AGAP1: variants seen among roughly 807,000 people sequenced by gnomAD.
AGAP1 encodes arf-GAP with GTPase, ANK repeat and PH domain-containing protein 1.
Under a neutral mutation model 105.3 loss-of-function variants are expected in AGAP1, and 29 were observed. That is an observed-to-expected ratio of 0.28 (90% CI 0.21 to 0.38). AGAP1 has a LOEUF of 0.38. AGAP1 is among the 10% of genes least tolerant of loss of function. AGAP1 has a pLI of 1.00. For missense variants in AGAP1, 998 were observed against 1,165.1 expected (o/e 0.86, Z 2.09); for synonymous variants, 509 against 485.9 (o/e 1.05, Z -0.63).
Position 235,732,688 on chromosome 2 carries a change from C to CT in AGAP1, c.311-8273dup, listed in dbSNP as rs1158932898. On this transcript the variant is annotated intron_variant, in intron 3 of 17. Coordinates refer to ENST00000304032, the MANE Select transcript of AGAP1 (RefSeq NM_001037131.3). This position sits in a 1 kb window ranked among gnomAD's most constrained non-coding sequence, Gnocchi z 4.8. ...TTCAGCCTTCTTGGCTTGGACCTCT[C>CT]TTCCCAGACATTGTCTTTCCCTGAG... Among the ~76,000 whole-genome samples, 6 of 152,164 alleles carry CT rather than the reference C, an allele frequency of 3.9e-5. No homozygotes were observed. Among genetic ancestry groups the CT allele is most frequent in the African/African-American group, 1.4e-4 (6 of 41,444 alleles).
Position 235,655,089 on chromosome 2 carries a change from T to C in AGAP1, c.164-54090T>C, listed in dbSNP as rs1357136470. On this transcript the variant is annotated intron_variant, in intron 1 of 17. Transcript: ENST00000304032. The surrounding 1 kb of genome is among the most constrained non-coding windows in gnomAD (Gnocchi z 4.3). ...TGATCCTCTTTTTTTTTTTTTTGAG[T>C]TGTGTGTTAACAGAAACCTTTGTGC... is the stretch of plus-strand genomic sequence containing the variant. 6.6e-6 allele frequency among the ~76,000 whole-genome samples: 1 copy of C among 151,542 alleles called. No homozygotes were observed. Among genetic ancestry groups the C allele is most frequent in the Non-Finnish European group, 1.5e-5 (1 of 67,914 alleles).
chr2:235,785,784 T>C (rs986215396), intron 6 of AGAP1, among the ~76,000 whole-genome samples: 2 of 152,252 alleles, frequency 1.3e-5, no homozygotes, highest in Non-Finnish European at 2.9e-5. Context: ...TTCTGTATTC[T>C]GTCTTCATAG....
intron 1 of AGAP1, among the ~76,000 whole-genome samples, chr2:235,707,550 C>T (rs891304435): frequency 1.2e-4 from 17 of 140,686 alleles, no homozygotes; most frequent in Non-Finnish European, 2.2e-4. Flanking sequence ...GCTCCCCCGG[C>T]GTGTGACCTG....
In AGAP1 at chr2:235,989,708, G is replaced by T. The variant is rs935568217; in HGVS notation, c.1645+21085G>T. ...AGTCATGAATCAAGGAGCCCAGGAG[G>T]ACGGGGAATCCCTGGAGGAGGTGGG... On this transcript the variant is annotated intron_variant, in intron 13 of 17. Coordinates refer to ENST00000304032, the MANE Select transcript of AGAP1 (RefSeq NM_001037131.3). This position sits in a 1 kb window ranked among gnomAD's most constrained non-coding sequence, Gnocchi z 4.4. 6.6e-6 allele frequency among the ~76,000 whole-genome samples: 1 copy of T among 152,190 alleles called. No homozygotes were observed. Among genetic ancestry groups the T allele is most frequent in the East Asian group, 1.9e-4 (1 of 5,186 alleles).
At position 235,557,331 on chromosome 2, in the gene AGAP1, C is replaced by T. The variant is rs1028385260; in HGVS notation, c.163+62482C>T. Among the ~76,000 whole-genome samples the T allele has an allele frequency of 2.6e-5, 4 of 151,958 alleles. No homozygotes were observed. Among genetic ancestry groups the T allele is most frequent in the African/African-American group, 9.7e-5 (4 of 41,360 alleles). On this transcript the variant is annotated intron_variant, in intron 1 of 17. Transcript: ENST00000304032. This position sits in a 1 kb window ranked among gnomAD's most constrained non-coding sequence, Gnocchi z 4.7. Reference sequence around the variant, plus strand: ...GTTCACCTTGGAAGCTGTTGCTCACCGCGTGTTGATTTTATTTAAGACTGG... The same window carrying T: ...GTTCACCTTGGAAGCTGTTGCTCACTGCGTGTTGATTTTATTTAAGACTGG...
chr2:235,923,023 G>A (rs149077850), intron 11 of AGAP1, among the ~76,000 whole-genome samples: 4 of 152,316 alleles, frequency 2.6e-5, no homozygotes, highest in African/African-American at 9.6e-5. Flanking sequence ...GTGGCGCAGC[G>A]AGGACATGGA....
At chr2:235,512,095 G>GAGTA (rs1553555066) in intron 1 of AGAP1, among the ~76,000 whole-genome samples, 2 of 143,538 alleles carry the variant, frequency 1.4e-5, no homozygotes, top group African/African-American at 2.6e-5. Flanking sequence ...GTGAATGTGT[G>GAGTA]TGTGTGTGAA....
Position 235,691,466 on chromosome 2 carries a change from C to T in AGAP1, c.164-17713C>T, listed in dbSNP as rs1351205476. On this transcript the variant is annotated intron_variant, in intron 1 of 17. Coordinates refer to ENST00000304032, the MANE Select transcript of AGAP1 (RefSeq NM_001037131.3). The surrounding 1 kb of genome is among the most constrained non-coding windows in gnomAD (Gnocchi z 4.4). ...AAATCCGCTGAAGACTGTAAAGATA[C>T]TCATTTGAGATGTGCCAACATTTAG... Among the ~76,000 whole-genome samples, 2 of 152,228 alleles carry T rather than the reference C, an allele frequency of 1.3e-5. No individual in the cohort carries two copies. Among genetic ancestry groups the T allele is most frequent in the South Asian group, 2.1e-4 (1 of 4,834 alleles).
In AGAP1 at chr2:235,983,880, A is replaced by G. The variant is rs374546376; in HGVS notation, c.1645+15257A>G. On this transcript the variant is annotated intron_variant, in intron 13 of 17. Transcript: ENST00000304032. The surrounding 1 kb of genome is among the most constrained non-coding windows in gnomAD (Gnocchi z 4.5). ...CACATTTCTCAGAATGCATCACTTA[A>G]CGATGGGGATACATGGCTGTATGTA... Among the ~76,000 whole-genome samples, 4 of 152,360 alleles carry G rather than the reference A, an allele frequency of 2.6e-5. No individual in the cohort carries two copies. In the South Asian group the frequency reaches 8.3e-4, roughly 32 times the overall value.
At chr2:235,786,346 T>C (rs1422656415) in intron 6 of AGAP1, among the ~76,000 whole-genome samples, 2 of 152,242 alleles carry the variant, frequency 1.3e-5, no homozygotes, top group African/African-American at 2.4e-5. Flanking sequence ...TCAACTCTTG[T>C]GTTAACCTGT....
chr2:235,755,462 C>T (rs1051263477), intron 6 of AGAP1, among the ~76,000 whole-genome samples: 3 of 151,950 alleles, frequency 2.0e-5, no homozygotes, highest in Non-Finnish European at 2.9e-5. Flanking sequence ...TCCCTTTTTT[C>T]GAGGCAGGGT....
chr2:236,065,226 A>AT, intron 16 of AGAP1, among the ~76,000 whole-genome samples: 1 of 152,294 alleles, frequency 6.6e-6, no homozygotes, highest in Middle Eastern at 3.4e-3. Context: ...TGGTTTTGAA[A>AT]TTGCCAAGCC....
In AGAP1 at chr2:235,864,744, T is replaced by G. The variant is rs2049079806; in HGVS notation, c.1051-18601T>G. On this transcript the variant is annotated intron_variant, in intron 9 of 17. Coordinates refer to ENST00000304032, the MANE Select transcript of AGAP1 (RefSeq NM_001037131.3). This position sits in a 1 kb window ranked among gnomAD's most constrained non-coding sequence, Gnocchi z 5.0. ...GTCCTGGTGGGAAAAAAAAACATTT[T>G]GTTTTTCTTAGTTTCCTTTTCCTTT... Among the ~76,000 whole-genome samples the G allele has an allele frequency of 6.6e-6, 1 of 152,230 alleles. No homozygotes were observed.
At chr2:236,122,680 ATTT>A (rs71039713) in intron 17 of AGAP1, among the ~76,000 whole-genome samples, 5 of 123,594 alleles carry the variant, frequency 4.0e-5, no homozygotes, top group Non-Finnish European at 6.5e-5. Flanking sequence ...TCCAGTGACA[ATTT>A]TTTTTTTTTT....
Position 235,824,661 on chromosome 2 carries a change from G to A in AGAP1, c.1050+17330G>A, listed in dbSNP as rs557618555. Among the ~76,000 whole-genome samples the A allele has an allele frequency of 2.0e-5, 3 of 152,146 alleles. No homozygotes were observed. The South Asian group carries it at 6.2e-4, about 32-fold the overall frequency. On this transcript the variant is annotated intron_variant, in intron 9 of 17. Coordinates refer to ENST00000304032, the MANE Select transcript of AGAP1 (RefSeq NM_001037131.3). This position sits in a 1 kb window ranked among gnomAD's most constrained non-coding sequence, Gnocchi z 5.2. ...CATGCTCCTTTTCCCCCTTTTTGTT[G>A]TTGCATTCAGTTAACAGTGACTATT...
At chr2:236,006,601 T>C (rs1377377) in intron 13 of AGAP1, among the ~76,000 whole-genome samples, 31,770 of 152,182 alleles carry the variant, frequency 0.21, 3,570 homozygotes, top group South Asian at 0.29. Context: ...ATGTTAATAC[T>C]ACCTCCATGA....
At chr2:235,530,282 A>C (rs1396335750) in intron 1 of AGAP1, among the ~76,000 whole-genome samples, 2 of 152,116 alleles carry the variant, frequency 1.3e-5, no homozygotes, top group East Asian at 3.9e-4. Flanking sequence ...TCGACTTGCC[A>C]TATGCCTAAT....
chr2:236,006,855 C>G (rs72991139), intron 13 of AGAP1, among the ~76,000 whole-genome samples: 18,401 of 152,164 alleles, frequency 0.12, 1,486 homozygotes, highest in African/African-American at 0.23. Flanking sequence ...TGTTAGTCTT[C>G]CAGTGAGTTC....
chr2:236,100,583 G>A (rs924876535), intron 16 of AGAP1, among the ~76,000 whole-genome samples: 7 of 152,126 alleles, frequency 4.6e-5, no homozygotes, highest in African/African-American at 1.7e-4. Flanking sequence ...CCAGCACTTT[G>A]GGTGGCCGAG....
Sources: gnomAD v4.1 joint callset for allele counts (sites outside exome capture counted in the v4.1 genomes callset) on GRCh38, gnomAD v4.1.1 for gene constraint, Gnocchi (gnomAD v3.1) non-coding constraint, MANE v1.5 for transcripts, NCBI Gene and HGNC (gene_info 2026-07-23, HGNC 2026-07-21) for gene names.